TG: variants seen among roughly 807,000 people sequenced by gnomAD.
TG encodes the protein thyroid hormones.
TG carries 270 observed loss-of-function variants against 324.7 expected under a neutral mutation model. The ratio of observed to expected loss-of-function variants is 0.83; its 90% CI spans 0.75 to 0.92. TG has a LOEUF of 0.92. TG is among the 40% of genes least tolerant of loss of function. TG has a pLI of 0.00. For missense variants in TG, 3,591 were observed against 3,456.4 expected, an observed-to-expected ratio of 1.04 and a Z score of -0.98; for synonymous variants, 1,401 against 1,327.0, an observed-to-expected ratio of 1.06 and a Z score of -1.21.
At chr8:133,002,927 CT>C in intron 35 of TG, 1 of 926,740 alleles carries the variant, frequency 1.1e-6, no homozygotes, top group Admixed American at 4.8e-5. Context: ...TGGGTTATAC[CT>C]TTTTGAACAG....
chr8:132,967,529 G>C (rs1828802694), intron 30 of TG, among the ~76,000 whole-genome samples: 1 of 152,072 alleles, frequency 6.6e-6, no homozygotes, highest in Non-Finnish European at 1.5e-5. Flanking sequence ...TTACTCTTTT[G>C]CCTCTTGTAT....
intron 35 of TG, 110 bp from the exon 36 acceptor site, chr8:133,011,791 A>G: frequency 1.5e-6 from 2 of 1,375,552 alleles, no homozygotes; most frequent in Non-Finnish European, 2.1e-6. Context: ...ATGGAGACCA[A>G]GAGGAGGATG....
Position 132,893,863 on chromosome 8 carries a change from C to A in TG, c.2935C>A (p.Arg979=), listed in dbSNP as rs529218847. Residue 979 remains arginine (R), a synonymous_variant, in exon 11 of 48, where the codon CGG becomes AGG. Coordinates refer to ENST00000220616, the MANE Select transcript of TG (RefSeq NM_003235.5). ...DLGLPPLFPP[R]EAFAEQFLRG... is the part of the protein sequence containing the mutation. ...CGGCCTTCCTCCGCTCTTCCCGCCCCGGGAGGCTTTCGCGGAGCAGTTTCT... is the reference window on the plus strand; with the variant it reads ...CGGCCTTCCTCCGCTCTTCCCGCCCAGGGAGGCTTTCGCGGAGCAGTTTCT... The A allele has an allele frequency of 2.5e-6, 4 of 1,613,926 alleles. No individual in the cohort carries two copies. Among genetic ancestry groups the A allele is most frequent in the Admixed American group, 1.7e-5 (1 of 59,998 alleles).
At chr8:132,868,402 C>T (rs1839170963) in intron 2 of TG, 179 bp downstream of exon 2, 1 of 677,472 alleles carries the variant, frequency 1.5e-6, no homozygotes, top group Non-Finnish European at 2.6e-6. Flanking sequence ...GCCTGCCTTT[C>T]AGTTCCCCAA....
chr8:132,959,050 A>G (rs1049487685), intron 27 of TG, among the ~76,000 whole-genome samples: 19 of 152,266 alleles, frequency 1.2e-4, no homozygotes, highest in Non-Finnish European at 2.5e-4. Context: ...TAGATCCTTT[A>G]GAGAAACATC....
chr8:133,060,600 G>T (rs1192571092), intron 41 of TG, among the ~76,000 whole-genome samples: 1 of 152,184 alleles, frequency 6.6e-6, no homozygotes, highest in Non-Finnish European at 1.5e-5. Context: ...GAGTACAGGA[G>T]TTGTGTGTCT....
intron 41 of TG, among the ~76,000 whole-genome samples, chr8:133,065,381 C>T (rs1425393073): frequency 1.3e-5 from 2 of 152,258 alleles, no homozygotes; most frequent in Non-Finnish European, 2.9e-5. Flanking sequence ...TGTGCTCTAA[C>T]TCGCCACCAG....
rs536451602 is a variant in TG at position 133,012,314 on chromosome 8, A to T, written c.6397+279A>T. On this transcript the variant is annotated intron_variant, in intron 36 of 47. Transcript: ENST00000220616. The stretch of plus-strand genomic sequence containing the variant: ...TCTAGTGGGTTAGTCTGAGGCAGGA[A>T]AGATGCACATGCGTGGCAGCTCTGG... Among the ~76,000 whole-genome samples the T allele has an allele frequency of 5.7e-4, 87 of 152,302 alleles. 1 individual carries two copies. The highest frequency in any genetic ancestry group is 2.0e-3 in the African/African-American group (85 of 41,568).
chr8:133,077,355 G>A lies in TG; in HGVS notation c.7240-17689G>A, dbSNP rs189692630. ...GAAAGGCAGGATGCAGAGCCCTGGA[G>A]GTCAGGGCCGCAGGCTCTTCTCTGT... On this transcript the variant is annotated intron_variant, in intron 41 of 47. Transcript: ENST00000220616. Among the ~76,000 whole-genome samples, 777 of 152,308 alleles carry A rather than the reference G, an allele frequency of 5.1e-3. 7 individuals are homozygous for A. Among genetic ancestry groups the A allele is most frequent in the African/African-American group, 0.018 (748 of 41,570 alleles).
intron 27 of TG, among the ~76,000 whole-genome samples, chr8:132,950,884 A>G (rs946258346): frequency 7.2e-5 from 11 of 152,206 alleles, no homozygotes; most frequent in Middle Eastern, 6.3e-3. Context: ...GCCTTGACCT[A>G]TACTCACAAG....
At chr8:133,005,403 A>T (rs1833934789) in intron 35 of TG, among the ~76,000 whole-genome samples, 1 of 152,168 alleles carries the variant, frequency 6.6e-6, no homozygotes, top group African/African-American at 2.4e-5. Flanking sequence ...CACCCCTGGT[A>T]CTTCCATCCA....
At chr8:133,007,096 A>C (rs1192037263) in intron 35 of TG, among the ~76,000 whole-genome samples, 2 of 152,008 alleles carry the variant, frequency 1.3e-5, no homozygotes, top group Non-Finnish European at 2.9e-5. Context: ...GTTTGGGATG[A>C]TTTATTTTTT....
intron 34 of TG, among the ~76,000 whole-genome samples, chr8:132,974,662 T>A (rs1194197915): frequency 1.3e-5 from 2 of 152,026 alleles, no homozygotes; most frequent in African/African-American, 4.8e-5. Flanking sequence ...TGACTGACCT[T>A]CCCCCAACTC....
At chr8:132,978,022 G>C (rs1178590500) in intron 34 of TG, among the ~76,000 whole-genome samples, 1 of 152,240 alleles carries the variant, frequency 6.6e-6, no homozygotes, top group Non-Finnish European at 1.5e-5. Flanking sequence ...ATGTCAGACT[G>C]TGTTCATCCA....
chr8:133,019,560 T>C, intron 38 of TG, 42 bp from the exon 39 acceptor site: 2 of 1,562,894 alleles, frequency 1.3e-6, no homozygotes, highest in Non-Finnish European at 1.8e-6. Context: ...GGAGGGGTGG[T>C]GATGGAGCAT....
At chr8:132,992,500 G>A (rs1468564177) in intron 35 of TG, among the ~76,000 whole-genome samples, 2 of 152,220 alleles carry the variant, frequency 1.3e-5, no homozygotes, top group African/African-American at 2.4e-5. Context: ...CCACCTAATA[G>A]GAAGAAGACA....
At chr8:133,008,406 A>G (rs560260835) in intron 35 of TG, among the ~76,000 whole-genome samples, 3 of 152,376 alleles carry the variant, frequency 2.0e-5, no homozygotes, top group South Asian at 4.1e-4. Context: ...ACAGATAAGT[A>G]CTCACGATGC....
intron 38 of TG, among the ~76,000 whole-genome samples, chr8:133,018,396 C>T (rs1400159740): frequency 6.6e-6 from 1 of 152,166 alleles, no homozygotes; most frequent in Non-Finnish European, 1.5e-5. Context: ...GTTCACACAT[C>T]ACTGGCACCG....
At chr8:133,003,828 A>G (rs1329056181) in intron 35 of TG, among the ~76,000 whole-genome samples, 1 of 152,052 alleles carries the variant, frequency 6.6e-6, no homozygotes, top group Non-Finnish European at 1.5e-5. Flanking sequence ...TCTGGTTTGC[A>G]GGGGGTATCA....
Sources: allele counts gnomAD v4.1 joint callset (sites outside exome capture counted in the v4.1 genomes callset), GRCh38; gene constraint gnomAD v4.1.1; transcripts MANE v1.5; gene names NCBI Gene and HGNC (gene_info 2026-07-23, HGNC 2026-07-21).